Variants in SOX5 observed in about 807,000 individuals in gnomAD.
SOX5 encodes SRY-box transcription factor 5, also known as transcription factor SOX-5.
SOX5 carries 9 observed loss-of-function variants against 92.0 expected under a neutral mutation model. The observed-to-expected ratio is 0.10, with a 90% CI of 0.06 to 0.17. SOX5 has a LOEUF of 0.17. Ranked by LOEUF, SOX5 falls within the 10% of genes least tolerant of loss-of-function variation. The pLI is 1.00. For missense variants in SOX5, 642 were observed against 944.5 expected (o/e 0.68, Z 4.20); for synonymous variants, 344 against 336.3 (o/e 1.02, Z -0.25).
At chr12:24,114,049 G>T (rs375605566) in intron 4 of SOX5, among the ~76,000 whole-genome samples, 1 of 152,184 alleles carries the variant, frequency 6.6e-6, no homozygotes, top group African/African-American at 2.4e-5. Flanking sequence ...GGAGAATTTA[G>T]AATTATGGCT....
At chr12:23,587,810 G>C (rs1337827527) in intron 9 of SOX5, among the ~76,000 whole-genome samples, 1 of 152,120 alleles carries the variant, frequency 6.6e-6, no homozygotes. Context: ...CCAGTCACTT[G>C]GAGAGGAACT....
chr12:24,095,357 G>A (rs1945271590), intron 4 of SOX5, among the ~76,000 whole-genome samples: 1 of 151,924 alleles, frequency 6.6e-6, no homozygotes, highest in African/African-American at 2.4e-5. Context: ...ATAGTTGCTT[G>A]ATTCCTTCCT....
Position 24,157,833 on chromosome 12 carries a change from G to A in SOX5, c.-2+55510C>T, listed in dbSNP as rs116563819. Among the ~76,000 whole-genome samples the A allele has an allele frequency of 7.3e-3, 1,108 of 152,090 alleles. 13 individuals are homozygous for A. The highest frequency in any genetic ancestry group is 0.023 in the African/African-American group (945 of 41,510). On this transcript the variant is annotated intron_variant, in intron 4 of 4. Transcript: ENST00000446891. Reference sequence around the variant, plus strand: ...ACAAGAAATAGAGTAATAACATGGCGCCGCACATGGGCTTCTGCCTCCATG... The same window carrying A: ...ACAAGAAATAGAGTAATAACATGGCACCGCACATGGGCTTCTGCCTCCATG...
chr12:24,312,854 T>C (rs939290231), intron 2 of SOX5, among the ~76,000 whole-genome samples: 1 of 152,238 alleles, frequency 6.6e-6, no homozygotes, highest in Non-Finnish European at 1.5e-5. Flanking sequence ...AGGTCACTGC[T>C]TGCACGCTTA....
At chr12:23,963,656 T>C (rs1040831412) in intron 4 of SOX5, among the ~76,000 whole-genome samples, 6 of 150,430 alleles carry the variant, frequency 4.0e-5, no homozygotes, top group Admixed American at 1.3e-4. Context: ...CAGGCATGCA[T>C]GAATGAAGTA....
intron 2 of SOX5, among the ~76,000 whole-genome samples, chr12:24,344,143 C>T (rs954553300): frequency 2.6e-5 from 4 of 151,678 alleles, no homozygotes; most frequent in Admixed American, 6.6e-5. Context: ...ATTAGTTGGG[C>T]GTGGTGGGAC....
chr12:23,874,487 A>G (rs2096906460), intron 2 of SOX5, among the ~76,000 whole-genome samples: 1 of 152,164 alleles, frequency 6.6e-6, no homozygotes, highest in East Asian at 1.9e-4. Flanking sequence ...AAATTTCCCT[A>G]AAATGAAAGG....
At chr12:24,110,191 C>A (rs994034180) in intron 4 of SOX5, among the ~76,000 whole-genome samples, 7 of 152,194 alleles carry the variant, frequency 4.6e-5, no homozygotes, top group African/African-American at 1.7e-4. Flanking sequence ...TATAAATCAA[C>A]TATCTTGCAC....
intron 4 of SOX5, among the ~76,000 whole-genome samples, chr12:24,075,470 C>A (rs929549588): frequency 4.0e-5 from 6 of 151,654 alleles, no homozygotes; most frequent in Non-Finnish European, 5.9e-5. Context: ...ATTATCTGGA[C>A]CGTAGGAAAA....
intron 1 of SOX5, among the ~76,000 whole-genome samples, chr12:24,500,943 T>C (rs1948134489): frequency 1.3e-5 from 2 of 152,212 alleles, no homozygotes; most frequent in Admixed American, 1.3e-4. Context: ...AATCAATCTA[T>C]AACCAATGCA....
chr12:24,244,349 A>G (rs1256583412), intron 3 of SOX5, among the ~76,000 whole-genome samples: 2 of 152,146 alleles, frequency 1.3e-5, no homozygotes, highest in African/African-American at 4.8e-5. Flanking sequence ...GCAGTTATGT[A>G]CCCTGGTGGC....
intron 4 of SOX5, among the ~76,000 whole-genome samples, chr12:24,054,334 A>C (rs1957890664): frequency 6.6e-6 from 1 of 152,150 alleles, no homozygotes; most frequent in Admixed American, 6.5e-5. Context: ...TTTGAAAACA[A>C]TTGTGCTGGA....
intron 2 of SOX5, among the ~76,000 whole-genome samples, chr12:23,877,511 A>G (rs2096940557): frequency 6.6e-6 from 1 of 152,126 alleles, no homozygotes; most frequent in South Asian, 2.1e-4. Context: ...AAATAGCTTT[A>G]TATAGCCCCA....
At chr12:23,909,122 C>T (rs555910177) in intron 1 of SOX5, among the ~76,000 whole-genome samples, 2 of 152,214 alleles carry the variant, frequency 1.3e-5, no homozygotes, top group East Asian at 1.9e-4. Context: ...AGTATAAACA[C>T]ACAATAAGAC....
At position 23,846,124 on chromosome 12, in the gene SOX5, C is replaced by T; in HGVS notation, c.340G>A (p.Glu114Lys). Residue 114 changes from glutamate to lysine, a missense_variant, in exon 3 of 15, where the codon GAA becomes AAA. By Grantham distance (56) the Glu-to-Lys change is moderately conservative. This residue lies in a region of SOX5 where 29 missense variants were observed against 47.4 expected (regional missense o/e 0.61). Transcript: ENST00000451604. ...TCGCCACTCTGTCGCCCACCTTCTT[C>T]TGCCTTCTGAGGTGAGGTAGATGAG... is the stretch of plus-strand genomic sequence containing the variant. ...HNSSTSPQKA[E>K]EGGRQSGESL... The T allele has an allele frequency of 6.2e-7, 1 of 1,614,164 alleles. No homozygotes were observed. The highest frequency in any genetic ancestry group is 2.2e-5 in the East Asian group (1 of 44,882).
intron 2 of SOX5, among the ~76,000 whole-genome samples, chr12:24,350,848 T>C (rs1175531271): frequency 1.3e-5 from 2 of 152,200 alleles, no homozygotes; most frequent in South Asian, 2.1e-4. Flanking sequence ...AGGCCAGTAG[T>C]TCAAAACTAG....
intron 4 of SOX5, among the ~76,000 whole-genome samples, chr12:24,043,939 A>T (rs1029260035): frequency 1.1e-4 from 17 of 152,206 alleles, no homozygotes; most frequent in Non-Finnish European, 2.4e-4. Flanking sequence ...ACAACAAAGC[A>T]TGTACCCACT....
At chr12:24,110,519 G>A (rs1378152701) in intron 4 of SOX5, among the ~76,000 whole-genome samples, 1 of 152,164 alleles carries the variant, frequency 6.6e-6, no homozygotes, top group Non-Finnish European at 1.5e-5. Context: ...GGGAAATGCT[G>A]CACTTTTAAA....
intron 1 of SOX5, among the ~76,000 whole-genome samples, chr12:24,426,954 C>A (rs1966839378): frequency 6.6e-6 from 1 of 152,132 alleles, no homozygotes; most frequent in South Asian, 2.1e-4. Flanking sequence ...TACCCAAGCA[C>A]CTTCCAGTAG....
Sources: gnomAD v4.1 joint callset for allele counts (sites outside exome capture counted in the v4.1 genomes callset) on GRCh38, gnomAD v4.1.1 for gene constraint, gnomAD v4.1.1 regional missense constraint, MANE v1.5 for transcripts, NCBI Gene and HGNC (gene_info 2026-07-23, HGNC 2026-07-21) for gene names.